HNRNPAB: variants seen among roughly 807,000 people sequenced by gnomAD.
HNRNPAB encodes heterogeneous nuclear ribonucleoprotein A/B, also known as ABBP-1.
In HNRNPAB, 17 loss-of-function variants were observed where a neutral mutation model predicts 44.1. The observed-to-expected ratio is 0.39, with a 90% CI of 0.26 to 0.58. The LOEUF (loss-of-function observed/expected upper bound fraction) is 0.58. Ranked by LOEUF, HNRNPAB falls within the 20% of genes least tolerant of loss-of-function variation. HNRNPAB has a pLI of 0.63. For missense variants in HNRNPAB, 393 were observed against 432.7 expected, an observed-to-expected ratio of 0.91 and a Z score of 0.81; for synonymous variants, 183 against 167.6, an observed-to-expected ratio of 1.09 and a Z score of -0.71.
In HNRNPAB at chr5:178,210,141, A is replaced by AGAGTT; in HGVS notation, c.799_803dup (p.Trp268Ter). On this transcript the variant is annotated frameshift_variant, in exon 7 of 8. Transcript: ENST00000358344. LOFTEE classifies it high-confidence loss of function. ...CCTGCTCCCCCCACAGGTCAGAGTC[A>AGAGTT]GAGTTGGAATCAGGGCTACGGCAAC... 1 of 1,614,138 alleles carries AGAGTT rather than the reference A, an allele frequency of 6.2e-7. No individual in the cohort carries two copies. Among genetic ancestry groups the AGAGTT allele is most frequent in the Non-Finnish European group, 8.5e-7 (1 of 1,179,986 alleles).
intron 7 of HNRNPAB, 27 bp downstream of exon 7, chr5:178,210,299 C>T (rs1263273954): frequency 1.9e-6 from 3 of 1,613,814 alleles, no homozygotes; most frequent in Non-Finnish European, 2.5e-6. Context: ...GAGGCCCCAT[C>T]CGCTCACCCC....
In HNRNPAB at chr5:178,205,068, CG is replaced by C. The variant is rs564443814; in HGVS notation, c.209+27del. ...CGGGGTAGGTGCGGCCGCGGGCGGA[CG>C]GGGGCGCCGCCTTTGTTCCGGGGCC... On this transcript the variant is annotated intron_variant, in intron 2 of 7. Transcript: ENST00000358344. The C allele has an allele frequency of 9.0e-4, 1,084 of 1,198,088 alleles. 3 individuals are homozygous for C. The African/African-American group carries it at 0.014, about 16-fold the overall frequency. 74.2% of individuals were successfully genotyped at this position (1,198,088 alleles called of 1,614,324 possible). A position where few individuals can be genotyped will look rare whatever the true frequency, so the allele number is the denominator to read the frequency against.
At chr5:178,210,420 G>A (rs1030372735) in intron 7 of HNRNPAB, 133 bp from the exon 8 acceptor site, 25 of 1,531,332 alleles carry the variant, frequency 1.6e-5, no homozygotes, top group South Asian at 1.0e-4. Flanking sequence ...CTTAGACTTC[G>A]GGGTCTTAAT....
chr5:178,208,578 C>T (rs1305407876), intron 5 of HNRNPAB: 1 of 152,184 alleles, frequency 6.6e-6, no homozygotes, highest in Non-Finnish European at 1.5e-5. Flanking sequence ...AAAAGTATGA[C>T]TGGGACACTG....
rs1428039531 is a variant in HNRNPAB at position 178,207,236 on chromosome 5, C to T, written c.669+11C>T. ...GTCAGTGGAAGCAAGGTAAGGTGTT[C>T]CCAGCTCTGCTTGGCCTCCTGTGCT... is the stretch of plus-strand genomic sequence containing the variant. On this transcript the variant is annotated intron_variant, in intron 5 of 7. Coordinates refer to ENST00000358344, the MANE Select transcript of HNRNPAB (RefSeq NM_031266.3). 2.5e-6 allele frequency: 4 copies of T among 1,613,400 alleles called. No homozygotes were observed. Among genetic ancestry groups the T allele is most frequent in the East Asian group, 2.2e-5 (1 of 44,876 alleles).
In HNRNPAB at chr5:178,210,917, AC is replaced by A. The variant is rs1466291692; in HGVS notation, c.*296del. 2 of 439,248 alleles carry A rather than the reference AC, an allele frequency of 4.6e-6. No homozygotes were observed. Among genetic ancestry groups the A allele is most frequent in the Non-Finnish European group, 8.2e-6 (2 of 244,536 alleles). The allele number at this position is 439,248 out of a possible 1,614,324, so 27.2% of individuals were successfully genotyped here. A position where few individuals can be genotyped will look rare whatever the true frequency, so the allele number is the denominator to read the frequency against. On this transcript the variant is annotated 3_prime_UTR_variant, in exon 8 of 8. Coordinates refer to ENST00000358344, the MANE Select transcript of HNRNPAB (RefSeq NM_031266.3). ...TTCCTGCTGCCGCTCTGCAGCCTGG[AC>A]CTGTGGACCCTGGTTGTAAAGAGTA...
At position 178,205,823 on chromosome 5, in the gene HNRNPAB, T is replaced by C; in HGVS notation, c.210-19T>C. 5 of 1,608,816 alleles carry C rather than the reference T, an allele frequency of 3.1e-6. No homozygotes were observed. The highest frequency in any genetic ancestry group is 4.2e-6 in the Non-Finnish European group (5 of 1,176,984). On this transcript the variant is annotated intron_variant, in intron 2 of 7. Transcript: ENST00000358344. ...TGCTTACAAGACTTGTTGCCGTGTG[T>C]CTCACCCTACCATTTCAGAAAAATG...
chr5:178,206,391 C>CT (rs1383508438), intron 3 of HNRNPAB, among the ~76,000 whole-genome samples: 5 of 152,224 alleles, frequency 3.3e-5, no homozygotes, highest in Non-Finnish European at 7.3e-5. Flanking sequence ...GAGGTCACAG[C>CT]TAGTAGGGAG....
Position 178,207,341 on chromosome 5 carries a change from A to G in HNRNPAB, c.669+116A>G, listed in dbSNP as rs1757112062. The stretch of plus-strand genomic sequence containing the variant: ...CTCTCCAGGTTGGTCAGACTTTACT[A>G]TTTCTCTGAAGCGTATGCTGCCCTG... On this transcript the variant is annotated intron_variant, in intron 5 of 7. Transcript: ENST00000358344. 6 of 1,245,616 alleles carry G rather than the reference A, an allele frequency of 4.8e-6. No homozygotes were observed. In the Admixed American group the frequency reaches 8.9e-5, roughly 18 times the overall value. 77.2% of individuals were successfully genotyped at this position (1,245,616 alleles called of 1,614,324 possible).
chr5:178,207,030 T>A, intron 4 of HNRNPAB, 64 bp from the exon 5 acceptor site: 2 of 1,597,566 alleles, frequency 1.3e-6, no homozygotes, highest in East Asian at 2.2e-5. Context: ...TTTTCTCCTG[T>A]GAGTCCCCTA....
At chr5:178,206,671 A>C (rs1757075275) in intron 3 of HNRNPAB, 61 bp from the exon 4 acceptor site, 1 of 1,532,292 alleles carries the variant, frequency 6.5e-7, no homozygotes, top group East Asian at 2.3e-5. Context: ...TATGGCTTAG[A>C]GAGAAGGGCC....
At chr5:178,209,039 CCTGGGCTGCAGT>C (rs1757342504) in intron 5 of HNRNPAB, 1 of 371,036 alleles carries the variant, frequency 2.7e-6, no homozygotes, top group South Asian at 2.8e-5. Flanking sequence ...CCTCTGCTCC[CCTGGGCTGCAGT>C]TGGCCCAGTT....
chr5:178,206,667 T>C, intron 3 of HNRNPAB, 65 bp from the exon 4 acceptor site: 4 of 1,513,660 alleles, frequency 2.6e-6, no homozygotes, highest in Non-Finnish European at 3.6e-6. Context: ...TCTTTATGGC[T>C]TAGAGAGAAG....
intron 5 of HNRNPAB, 61 bp downstream of exon 5, chr5:178,207,286 A>T: frequency 6.2e-7 from 1 of 1,600,684 alleles, no homozygotes; most frequent in Middle Eastern, 1.7e-4. Context: ...CCTTAGAGGG[A>T]TGGGTTAGGG....
intron 4 of HNRNPAB, 87 bp downstream of exon 4, chr5:178,206,977 C>G (rs1203345168): frequency 1.9e-6 from 3 of 1,587,576 alleles, no homozygotes; most frequent in Admixed American, 1.7e-5. Flanking sequence ...GCTAGACCCT[C>G]CCAGGCAGGG....
At position 178,204,795 on chromosome 5, in the gene HNRNPAB, G is replaced by A; in HGVS notation, c.-23-20G>A. ...GGCGGGAGCCGCGCCGGCCTGACGCGCTGTCGCCGCTGGTTGCAGGAGCCG... is the reference window on the plus strand; with the variant it reads ...GGCGGGAGCCGCGCCGGCCTGACGCACTGTCGCCGCTGGTTGCAGGAGCCG... On this transcript the variant is annotated intron_variant, in intron 1 of 7. Coordinates refer to ENST00000358344, the MANE Select transcript of HNRNPAB (RefSeq NM_031266.3). The A allele has an allele frequency of 5.9e-6, 7 of 1,177,758 alleles. No individual in the cohort carries two copies. Among genetic ancestry groups the A allele is most frequent in the Non-Finnish European group, 7.4e-6 (7 of 946,054 alleles). 73.0% of individuals were successfully genotyped at this position (1,177,758 alleles called of 1,614,324 possible).
At position 178,211,023 on chromosome 5, in the gene HNRNPAB, G is replaced by A. The variant is rs1427714016; in HGVS notation, c.*400G>A. On this transcript the variant is annotated 3_prime_UTR_variant, in exon 8 of 8. Transcript: ENST00000358344. Reference sequence around the variant, plus strand: ...ATTTGCGTCATACATTTCCTGTAACGGAAGTGTTAATTTTACTGTACTTTT... The same window carrying A: ...ATTTGCGTCATACATTTCCTGTAACAGAAGTGTTAATTTTACTGTACTTTT... 1.0e-5 allele frequency: 2 copies of A among 197,752 alleles called. No homozygotes were observed. Among genetic ancestry groups the A allele is most frequent in the South Asian group, 1.0e-4 (1 of 9,876 alleles). 12.2% of individuals were successfully genotyped at this position (197,752 alleles called of 1,614,324 possible).
In HNRNPAB at chr5:178,204,694, C is replaced by T; in HGVS notation, c.-70C>T. 1 of 382,812 alleles carries T rather than the reference C, an allele frequency of 2.6e-6. No individual in the cohort carries two copies. Among genetic ancestry groups the T allele is most frequent in the Non-Finnish European group, 4.3e-6 (1 of 233,738 alleles). 23.7% of individuals were successfully genotyped at this position (382,812 alleles called of 1,614,324 possible). ...GTGCGGCCGAGCCTGCGGCGCCTTCCCCTGCGGGTGGGGACGAGCGGGCCC... is the reference window on the plus strand; with the variant it reads ...GTGCGGCCGAGCCTGCGGCGCCTTCTCCTGCGGGTGGGGACGAGCGGGCCC... On this transcript the variant is annotated 5_prime_UTR_variant, in exon 1 of 8. Transcript: ENST00000358344.
intron 5 of HNRNPAB, among the ~76,000 whole-genome samples, chr5:178,207,955 G>T (rs1052624112): frequency 6.6e-6 from 1 of 152,070 alleles, no homozygotes; most frequent in Admixed American, 6.6e-5. Context: ...GGGATTACAG[G>T]CATGAACTGC....
Sources: gnomAD v4.1 joint callset for allele counts (sites outside exome capture counted in the v4.1 genomes callset) on GRCh38, gnomAD v4.1.1 for gene constraint, MANE v1.5 for transcripts, NCBI Gene and HGNC (gene_info 2026-07-23, HGNC 2026-07-21) for gene names.